HIP1: variants seen among roughly 807,000 people sequenced by gnomAD.
The protein encoded by HIP1 is huntingtin interacting protein 1.
A neutral mutation model predicts 147.6 loss-of-function variants in HIP1; 65 were observed. The ratio of observed to expected loss-of-function variants is 0.44; its 90% CI spans 0.36 to 0.54. The LOEUF is 0.54. Ranked by LOEUF, HIP1 falls within the 20% of genes least tolerant of loss-of-function variation. HIP1 has a pLI of 0.00. For synonymous variants in HIP1, 479 were observed against 504.0 expected (o/e 0.95, Z 0.67); for missense variants, 1,061 against 1,299.6 (o/e 0.82, Z 2.82).
At chr7:75,586,654 T>C (rs1415551307) in intron 5 of HIP1, 99 bp downstream of exon 5, 1 of 770,620 alleles carries the variant, frequency 1.3e-6, no homozygotes, top group Non-Finnish European at 2.3e-6. Flanking sequence ...GCCTGGGCTG[T>C]CTATTACCTG....
rs1432104666 is a variant in HIP1, at chr7:75,657,016, A to G, written c.121-57769T>C. On this transcript the variant is annotated intron_variant, in intron 1 of 30. Coordinates refer to ENST00000336926, the MANE Select transcript of HIP1 (RefSeq NM_005338.7). Reference sequence around the variant, plus strand: ...CAAGGGAAAGGCAAAAACAACTTGAATGTTCCAGCAATAGTAGAAAGTTGA... The same window carrying G: ...CAAGGGAAAGGCAAAAACAACTTGAGTGTTCCAGCAATAGTAGAAAGTTGA... Among the ~76,000 whole-genome samples, 4 of 152,196 alleles carry G rather than the reference A, an allele frequency of 2.6e-5. No individual in the cohort carries two copies. In the East Asian group the frequency reaches 7.7e-4, roughly 29 times the overall value.
intron 8 of HIP1, among the ~76,000 whole-genome samples, chr7:75,571,488 A>G (rs1795631662): frequency 6.6e-6 from 1 of 152,198 alleles, no homozygotes; most frequent in South Asian, 2.1e-4. Context: ...CATCTAGGCG[A>G]TGCTACACCC....
At chr7:75,559,658 C>T (rs1336483555) in intron 14 of HIP1, 74 bp downstream of exon 14, 16 of 1,223,456 alleles carry the variant, frequency 1.3e-5, no homozygotes, top group Non-Finnish European at 1.8e-5. Flanking sequence ...CTCTGTGCCG[C>T]ATCCTGAGTC....
intron 1 of HIP1, among the ~76,000 whole-genome samples, chr7:75,619,206 G>A (rs1448809341): frequency 1.3e-5 from 2 of 152,074 alleles, no homozygotes; most frequent in Admixed American, 1.3e-4. Flanking sequence ...GTATGTCAGA[G>A]TCTAAGAAAA....
chr7:75,604,346 C>T (rs1176819414), intron 1 of HIP1, among the ~76,000 whole-genome samples: 3 of 152,046 alleles, frequency 2.0e-5, no homozygotes, highest in Non-Finnish European at 4.4e-5. Flanking sequence ...GAATATGGGC[C>T]GTGAGGAAGA....
At position 75,610,613 on chromosome 7, in the gene HIP1, C is replaced by G. The variant is rs1276453127; in HGVS notation, c.121-11366G>C. Among the ~76,000 whole-genome samples, 10 of 152,050 alleles carry G rather than the reference C, an allele frequency of 6.6e-5. No individual in the cohort carries two copies. The South Asian group carries it at 1.2e-3, about 19-fold the overall frequency. On this transcript the variant is annotated intron_variant, in intron 1 of 30. Transcript: ENST00000336926. ...TAGAATCCCAAGCACAAGGACCCTGCCTTCTCCTTTCCTGTAGGCCCACAG... is the reference window on the plus strand; with the variant it reads ...TAGAATCCCAAGCACAAGGACCCTGGCTTCTCCTTTCCTGTAGGCCCACAG...
intron 1 of HIP1, among the ~76,000 whole-genome samples, chr7:75,723,784 G>A (rs1309312546): frequency 6.6e-6 from 1 of 152,078 alleles, no homozygotes; most frequent in African/African-American, 2.4e-5. Context: ...CCTGCTTTAA[G>A]ATCCTTAATT....
At chr7:75,664,346 GT>G (rs1799472375) in intron 1 of HIP1, among the ~76,000 whole-genome samples, 1 of 63,388 alleles carries the variant, frequency 1.6e-5, no homozygotes, top group African/African-American at 8.2e-5. Flanking sequence ...ATGTGTGTAT[GT>G]ATACGTATAC....
chr7:75,650,162 G>C (rs1038668714), intron 1 of HIP1, among the ~76,000 whole-genome samples: 1 of 152,160 alleles, frequency 6.6e-6, no homozygotes, highest in African/African-American at 2.4e-5. Flanking sequence ...AGCCTCTCCA[G>C]GCAGGCTGCG....
rs934175135 is a variant in HIP1, at chr7:75,669,176, T to C, written c.120+69625A>G. On this transcript the variant is annotated intron_variant, in intron 1 of 30. Coordinates refer to ENST00000336926, the MANE Select transcript of HIP1 (RefSeq NM_005338.7). The stretch of plus-strand genomic sequence containing the variant: ...GTCAGGAGATCGAGACCATCCTGGC[T>C]AACATGGTGAAACCCTGTCTATACT... 1.2e-4 allele frequency among the ~76,000 whole-genome samples: 18 copies of C among 151,442 alleles called. No homozygotes were observed. The South Asian group carries it at 2.1e-3, about 18-fold the overall frequency.
chr7:75,611,145 C>A (rs1202727593), intron 1 of HIP1, among the ~76,000 whole-genome samples: 2 of 151,038 alleles, frequency 1.3e-5, no homozygotes, highest in Non-Finnish European at 2.9e-5. Flanking sequence ...TCTTGAACTG[C>A]GCCTGTTCTA....
intron 1 of HIP1, among the ~76,000 whole-genome samples, chr7:75,730,067 C>T (rs1465912534): frequency 6.6e-6 from 1 of 152,022 alleles, no homozygotes; most frequent in African/African-American, 2.4e-5. Flanking sequence ...CGAGGGGGTA[C>T]AGTTGTCCAG....
At chr7:75,588,900 C>G (rs1796376923) in intron 4 of HIP1, among the ~76,000 whole-genome samples, 1 of 152,006 alleles carries the variant, frequency 6.6e-6, no homozygotes, top group Non-Finnish European at 1.5e-5. Context: ...GCCTGTAATC[C>G]TAGCAATTTG....
At chr7:75,628,926 A>G (rs1798127533) in intron 1 of HIP1, among the ~76,000 whole-genome samples, 1 of 152,160 alleles carries the variant, frequency 6.6e-6, no homozygotes, top group Non-Finnish European at 1.5e-5. Context: ...AATAGCCAGG[A>G]CCCTGGTTGT....
At chr7:75,737,763 T>C (rs1802071986) in intron 1 of HIP1, among the ~76,000 whole-genome samples, 1 of 151,038 alleles carries the variant, frequency 6.6e-6, no homozygotes, top group African/African-American at 2.4e-5. Flanking sequence ...GAAGTATTCC[T>C]CGCATAACAC....
intron 1 of HIP1, among the ~76,000 whole-genome samples, chr7:75,712,107 A>G (rs781946269): frequency 1.3e-5 from 2 of 152,180 alleles, no homozygotes; most frequent in Non-Finnish European, 2.9e-5. Flanking sequence ...TAATTAAAAC[A>G]TTGACACCTC....
chr7:75,722,833 G>GA (rs1411477759), intron 1 of HIP1, among the ~76,000 whole-genome samples: 2 of 151,854 alleles, frequency 1.3e-5, no homozygotes, highest in Non-Finnish European at 2.9e-5. Context: ...GGCTCAGCAG[G>GA]AAAAAAAATG....
intron 2 of HIP1, among the ~76,000 whole-genome samples, chr7:75,596,617 C>T (rs1183060872): frequency 1.3e-5 from 2 of 152,148 alleles, no homozygotes; most frequent in African/African-American, 2.4e-5. Flanking sequence ...AACTCCTGAC[C>T]TCAGGTCATC....
intron 1 of HIP1, among the ~76,000 whole-genome samples, chr7:75,612,176 T>C (rs807877): frequency 6.6e-6 from 1 of 152,072 alleles, no homozygotes; most frequent in Non-Finnish European, 1.5e-5. Flanking sequence ...AAGGAAAACC[T>C]GAGAACAGGC....
Sources: gnomAD v4.1 joint callset for allele counts (sites outside exome capture counted in the v4.1 genomes callset) on GRCh38, gnomAD v4.1.1 for gene constraint, MANE v1.5 for transcripts, NCBI Gene and HGNC (gene_info 2026-07-23, HGNC 2026-07-21) for gene names.